The following SELENOP variants were observed in gnomAD, a reference collection of about 807,000 sequenced individuals.
SELENOP encodes selenoprotein P, plasma, 1.
A neutral mutation model predicts 41.0 loss-of-function variants in SELENOP; 36 were observed. The observed-to-expected ratio is 0.88, with a 90% confidence interval of 0.67 to 1.16. SELENOP has a LOEUF of 1.16. SELENOP is among the 50% of genes most tolerant of loss of function. SELENOP has a pLI of 0.00. For missense variants in SELENOP, 440 were observed against 454.2 expected (o/e 0.97, Z 0.28); for synonymous variants, 144 against 150.8 (o/e 0.95, Z 0.33).
At chr5:42,806,466 T>A (rs2111640540) in intron 3 of SELENOP, 1 of 157,184 alleles carries the variant, frequency 6.4e-6, no homozygotes, top group Non-Finnish European at 1.4e-5. Flanking sequence ...GGGATCATCC[T>A]AATATGTGTT....
At chr5:42,811,322 G>A (rs1760453507) in intron 1 of SELENOP, among the ~76,000 whole-genome samples, 1 of 152,122 alleles carries the variant, frequency 6.6e-6, no homozygotes, top group South Asian at 2.1e-4. Flanking sequence ...TTCTTTAAGG[G>A]TGACCACTTC....
intron 4 of SELENOP, chr5:42,801,738 G>A (rs1006969736): frequency 2.0e-5 from 4 of 197,252 alleles, no homozygotes; most frequent in East Asian, 1.2e-4. Flanking sequence ...GCAACATGGC[G>A]AGATCCTGTC....
In SELENOP at chr5:42,810,876, G is replaced by A. The variant is rs1050915472; in HGVS notation, c.-14+960C>T. 12 of 519,232 alleles carry A rather than the reference G, an allele frequency of 2.3e-5. No homozygotes were observed. The African/African-American group carries it at 2.5e-4, about 11-fold the overall frequency. 32.2% of individuals were successfully genotyped at this position (519,232 alleles called of 1,614,324 possible). ...CCATTGGCAGAGAGTTGTAGCTTAA[G>A]AGTTCACACTTTCGGATTTCTTCTG... On this transcript the variant is annotated intron_variant, in intron 1 of 4. Transcript: ENST00000514985.
chr5:42,805,790 A>G lies in SELENOP; in HGVS notation c.417-1017T>C, dbSNP rs1760318557. Reference sequence around the variant, plus strand: ...AAATGCCAATTTATGGGGATAATCAATTTTCTGTATTTTCCTCTTGGAATG... The same window carrying G: ...AAATGCCAATTTATGGGGATAATCAGTTTTCTGTATTTTCCTCTTGGAATG... On this transcript the variant is annotated intron_variant, in intron 3 of 4. Coordinates refer to ENST00000514985, the MANE Select transcript of SELENOP (RefSeq NM_005410.4). 2.6e-5 allele frequency: 4 copies of G among 152,306 alleles called. No homozygotes were observed. In the South Asian group the frequency reaches 8.3e-4, roughly 32 times the overall value. The allele number at this position is 152,306 out of a possible 1,614,324, so 9.4% of individuals were successfully genotyped here.
At chr5:42,805,474 C>A (rs1278345253) in intron 3 of SELENOP, 2 of 151,988 alleles carry the variant, frequency 1.3e-5, no homozygotes, top group African/African-American at 4.8e-5. Flanking sequence ...TCACCAGACT[C>A]CGGAGAGTCA....
At position 42,799,994 on chromosome 5, in the gene SELENOP, G is replaced by A. The variant is rs1405278413; in HGVS notation, c.*726C>T. 14 of 511,552 alleles carry A rather than the reference G, an allele frequency of 2.7e-5. No individual in the cohort carries two copies. The highest frequency in any genetic ancestry group is 4.7e-5 in the Non-Finnish European group (14 of 297,836). The allele number at this position is 511,552 out of a possible 1,614,324, so 31.7% of individuals were successfully genotyped here. On this transcript the variant is annotated 3_prime_UTR_variant, in exon 5 of 5. Transcript: ENST00000514985. Reference sequence around the variant, plus strand: ...AAAGGAGGTCAGGTTTATAGGGTTTGGTTTACCTATTAAACCATCATTGAC... The same window carrying A: ...AAAGGAGGTCAGGTTTATAGGGTTTAGTTTACCTATTAAACCATCATTGAC...
chr5:42,806,533 T>C (rs12517112), intron 3 of SELENOP: 44,185 of 168,426 alleles, frequency 0.26, 6,484 homozygotes, highest in Admixed American at 0.38. Flanking sequence ...AGAGTGTGAA[T>C]AGGCAGAAAG....
intron 4 of SELENOP, among the ~76,000 whole-genome samples, chr5:42,804,158 A>C (rs1316143284): frequency 6.6e-6 from 1 of 152,188 alleles, no homozygotes; most frequent in African/African-American, 2.4e-5. Context: ...GATCTTCAAA[A>C]GATGTTTTAA....
Position 42,808,226 on chromosome 5 carries a change from A to G in SELENOP, c.128T>C (p.Leu43Pro), listed in dbSNP as rs1281798966. ...AWSIRDQDPM[L>P]NSNGSVTVVA... ...CACAGTCACTGAACCATTGGAGTTT[A>G]GCATTGGATCTTGATCTCTTATGCT... Residue 43 changes from leucine (L) to proline (P), a missense_variant, in exon 2 of 5, where the codon CTA becomes CCA. Physicochemically the swap from Leu to Pro is moderately conservative, Grantham distance 98. Transcript: ENST00000514985. The G allele has an allele frequency of 6.3e-7, 1 of 1,585,872 alleles. No homozygotes were observed. Among genetic ancestry groups the G allele is most frequent in the South Asian group, 1.2e-5 (1 of 86,462 alleles).
intron 3 of SELENOP, 166 bp from the exon 4 acceptor site, chr5:42,804,939 T>C: frequency 2.2e-6 from 1 of 460,928 alleles, no homozygotes; most frequent in Non-Finnish European, 3.9e-6. Flanking sequence ...TCCCAGGTAC[T>C]GCACACCAGG....
At chr5:42,804,273 AACACAGT>A (rs1760279437) in intron 4 of SELENOP, among the ~76,000 whole-genome samples, 2 of 152,200 alleles carry the variant, frequency 1.3e-5, no homozygotes, top group African/African-American at 4.8e-5. Context: ...CATCCTGGCT[AACACAGT>A]GAAACCCCGT....
intron 4 of SELENOP, among the ~76,000 whole-genome samples, chr5:42,804,010 T>C (rs1270353331): frequency 6.6e-6 from 1 of 152,214 alleles, no homozygotes. Flanking sequence ...ATGTTCAGGT[T>C]ACTACAATAA....
chr5:42,803,172 A>C (rs1253385697), intron 4 of SELENOP, among the ~76,000 whole-genome samples: 3 of 152,176 alleles, frequency 2.0e-5, no homozygotes, highest in African/African-American at 7.2e-5. Context: ...TCTGATCTGT[A>C]ATTTGTATTT....
At chr5:42,801,438 A>T in intron 4 of SELENOP, 107 bp from the exon 5 acceptor site, 1 of 815,822 alleles carries the variant, frequency 1.2e-6, no homozygotes, top group Non-Finnish European at 1.9e-6. Context: ...AGTTAATTAG[A>T]ATCGAGCTGG....
intron 3 of SELENOP, chr5:42,805,480 A>G (rs1358000366): frequency 6.6e-6 from 1 of 152,194 alleles, no homozygotes; most frequent in Admixed American, 6.5e-5. Context: ...GACTCCGGAG[A>G]GTCAAAAAAA....
At position 42,806,682 on chromosome 5, in the gene SELENOP, T is replaced by A. The variant is rs114932703; in HGVS notation, c.416+214A>T. ...AAGGATATGAGGAAAACCAGCAGGG[T>A]ATAGTGTCATAGAAATTTTTTAAAA... On this transcript the variant is annotated intron_variant, in intron 3 of 4. Coordinates refer to ENST00000514985, the MANE Select transcript of SELENOP (RefSeq NM_005410.4). The A allele has an allele frequency of 1.9e-3, 721 of 386,528 alleles. 2 individuals carry two copies. Among genetic ancestry groups the A allele is most frequent in the Non-Finnish European group, 2.6e-3 (545 of 209,942 alleles). 23.9% of individuals were successfully genotyped at this position (386,528 alleles called of 1,614,324 possible).
chr5:42,811,008 A>T (rs1760447335), intron 1 of SELENOP, among the ~76,000 whole-genome samples: 1 of 152,260 alleles, frequency 6.6e-6, no homozygotes, highest in South Asian at 2.1e-4. Flanking sequence ...AATAATGAAG[A>T]TAAATAACAA....
In SELENOP at chr5:42,808,233, G is replaced by A; in HGVS notation, c.121C>T (p.Pro41Ser). ...ACTGAACCATTGGAGTTTAGCATTGGATCTTGATCTCTTATGCTCCAGGCT... is the reference window on the plus strand; with the variant it reads ...ACTGAACCATTGGAGTTTAGCATTGAATCTTGATCTCTTATGCTCCAGGCT... ...PPAWSIRDQD[P>S]MLNSNGSVTV... Residue 41 changes from proline (P) to serine (S), a missense_variant, in exon 2 of 5, where the codon CCA becomes TCA. Coordinates refer to ENST00000514985, the MANE Select transcript of SELENOP (RefSeq NM_005410.4). 6.3e-7 allele frequency: 1 copy of A among 1,582,580 alleles called. No individual in the cohort carries two copies. The highest frequency in any genetic ancestry group is 1.4e-5 in the African/African-American group (1 of 73,290).
chr5:42,810,825 A>G, intron 1 of SELENOP: 2 of 993,096 alleles, frequency 2.0e-6, no homozygotes, highest in Non-Finnish European at 1.2e-6. Flanking sequence ...CATTTCCCTC[A>G]TTTAGGTTTA....
Sources: allele counts gnomAD v4.1 joint callset (sites outside exome capture counted in the v4.1 genomes callset), GRCh38; gene constraint gnomAD v4.1.1; transcripts MANE v1.5; gene names NCBI Gene and HGNC (gene_info 2026-07-23, HGNC 2026-07-21).